Variants in PLEKHD1 observed in about 807,000 individuals in gnomAD.
The protein encoded by PLEKHD1 is pleckstrin homology and coiled-coil domain containing D1, also known as pleckstrin homology domain-containing family D member 1.
Under a neutral mutation model 69.2 loss-of-function variants are expected in PLEKHD1, and 51 were observed. The observed-to-expected ratio is 0.74, with a 90% confidence interval of 0.59 to 0.93. PLEKHD1 has a LOEUF of 0.93. Ranked by LOEUF, PLEKHD1 falls within the 40% of genes least tolerant of loss-of-function variation. The probability of loss-of-function intolerance (pLI) is 0.00; values close to 1 mark genes in which losing one functional copy is unlikely to be tolerated. For missense variants in PLEKHD1, 584 were observed against 641.0 expected (o/e 0.91, Z 0.96); for synonymous variants, 236 against 244.7 (o/e 0.96, Z 0.33).
chr14:69,500,268 G>A, intron 2 of PLEKHD1, 60 bp downstream of exon 2: 1 of 1,358,604 alleles, frequency 7.4e-7, no homozygotes, highest in Non-Finnish European at 1.0e-6. Flanking sequence ...ATCAGAGCTT[G>A]CATCTTGTGA....
chr14:69,492,806 G>T (rs1882805363), intron 1 of PLEKHD1, among the ~76,000 whole-genome samples: 1 of 152,172 alleles, frequency 6.6e-6, no homozygotes, highest in African/African-American at 2.4e-5. Context: ...GTCTGGCTTT[G>T]TGGCCCAGGC....
At position 69,530,391 on chromosome 14, in the gene PLEKHD1, G is replaced by A. The variant is rs1020587795; in HGVS notation, c.*1972G>A. The A allele has an allele frequency of 3.3e-5, 5 of 152,154 alleles. No individual in the cohort carries two copies. The highest frequency in any genetic ancestry group is 2.1e-4 in the South Asian group (1 of 4,828). 9.4% of individuals were successfully genotyped at this position (152,154 alleles called of 1,614,324 possible). ...TGAGCCTAAATGTAAAACTTTAAAC[G>A]TGTATAACATGCATAAACCTGGAAC... On this transcript the variant is annotated 3_prime_UTR_variant, in exon 13 of 13. Coordinates refer to ENST00000322564, the MANE Select transcript of PLEKHD1 (RefSeq NM_001161498.2).
intron 8 of PLEKHD1, 42 bp from the exon 9 acceptor site, chr14:69,525,902 C>T (rs1393990583): frequency 3.3e-6 from 5 of 1,529,376 alleles, no homozygotes; most frequent in East Asian, 4.9e-5. Context: ...CGATGGAGAA[C>T]CTAAATTGGG....
chr14:69,489,991 C>T (rs1047305792), intron 1 of PLEKHD1, among the ~76,000 whole-genome samples: 9 of 152,134 alleles, frequency 5.9e-5, no homozygotes, highest in African/African-American at 1.9e-4. Flanking sequence ...CTCAGCCTCC[C>T]GATTAGCTGG....
At chr14:69,497,094 AC>A in intron 1 of PLEKHD1, among the ~76,000 whole-genome samples, 1 of 152,154 alleles carries the variant, frequency 6.6e-6, no homozygotes, top group South Asian at 2.1e-4. Flanking sequence ...CTGTATTCAG[AC>A]CATGGAATGC....
intron 6 of PLEKHD1, among the ~76,000 whole-genome samples, chr14:69,506,776 T>G (rs1883159419): frequency 6.6e-6 from 1 of 151,846 alleles, no homozygotes; most frequent in East Asian, 1.9e-4. Flanking sequence ...GTGTTGTACA[T>G]CCTCTGGATT....
At position 69,527,242 on chromosome 14, in the gene PLEKHD1, G is replaced by T. The variant is rs944371861; in HGVS notation, c.1111G>T (p.Ala371Ser). ...GAGGCGTCTCCGGGAGGCAGAAGGGGCCTTGCGAAGCCTGGAACAGGGGCT... is the reference window on the plus strand; with the variant it reads ...GAGGCGTCTCCGGGAGGCAGAAGGGTCCTTGCGAAGCCTGGAACAGGGGCT... The part of the protein sequence containing the change: ...LERRLREAEG[A>S]LRSLEQGLNS... Residue 371 changes from alanine (A) to serine (S), a missense_variant, in exon 11 of 13, where the codon GCC (alanine) becomes TCC (serine). Transcript: ENST00000322564. 3.9e-6 allele frequency: 6 copies of T among 1,551,726 alleles called. No individual in the cohort carries two copies. Among genetic ancestry groups the T allele is most frequent in the Non-Finnish European group, 4.4e-6 (5 of 1,146,982 alleles).
Position 69,519,856 on chromosome 14 carries a change from C to T in PLEKHD1, c.556-2427C>T, listed in dbSNP as rs986013482. On this transcript the variant is annotated intron_variant, in intron 6 of 12. Transcript: ENST00000322564. ...ATCATTTGTGAAGCGGCAGAGGCCC[C>T]AGACCTGTAAAAGCTGGGCGCCTGG... is the stretch of plus-strand genomic sequence containing the variant. Among the ~76,000 whole-genome samples, 3 of 152,256 alleles carry T rather than the reference C, an allele frequency of 2.0e-5. No individual in the cohort carries two copies. In the East Asian group the frequency reaches 5.8e-4, roughly 30 times the overall value.
At chr14:69,469,109 G>A in the PLEKHD1 span, among the ~76,000 whole-genome samples, 2 of 152,122 alleles carry the variant, frequency 1.3e-5, no homozygotes, top group Non-Finnish European at 1.5e-5. Context: ...TACCCTGAGA[G>A]AAGCTGGCTT....
chr14:69,498,033 T>TTTTATTTTA (rs1237478843), intron 1 of PLEKHD1, among the ~76,000 whole-genome samples: 13 of 135,472 alleles, frequency 9.6e-5, no homozygotes, highest in African/African-American at 3.6e-4. Flanking sequence ...TTTTATTTTG[T>TTTTATTTTA]TTTATTTTAT....
chr14:69,487,248 C>T (rs1490393737), intron 1 of PLEKHD1, among the ~76,000 whole-genome samples: 1 of 151,288 alleles, frequency 6.6e-6, no homozygotes, highest in East Asian at 1.9e-4. Flanking sequence ...GGGTCAGTGA[C>T]AGAGCCAGCC....
intron 6 of PLEKHD1, among the ~76,000 whole-genome samples, chr14:69,508,793 C>T (rs1883208349): frequency 6.6e-6 from 1 of 152,144 alleles, no homozygotes; most frequent in South Asian, 2.1e-4. Context: ...GGGTAATTGT[C>T]AGTTGACTGT....
At chr14:69,469,803 C>A in the PLEKHD1 span, among the ~76,000 whole-genome samples, 3 of 152,030 alleles carry the variant, frequency 2.0e-5, no homozygotes, top group Admixed American at 2.0e-4. Context: ...CTCACTGCAA[C>A]CTCCGCCTCC....
chr14:69,490,850 A>C (rs1398595126), intron 1 of PLEKHD1, among the ~76,000 whole-genome samples: 1 of 152,090 alleles, frequency 6.6e-6, no homozygotes, highest in East Asian at 1.9e-4. Flanking sequence ...TCCACCCCCT[A>C]CATAGCCATT....
chr14:69,508,783 G>A (rs914763136), intron 6 of PLEKHD1, among the ~76,000 whole-genome samples: 8 of 152,282 alleles, frequency 5.3e-5, no homozygotes, highest in South Asian at 2.1e-4. Context: ...GGTGATTATC[G>A]GGTAATTGTC....
intron 1 of PLEKHD1, among the ~76,000 whole-genome samples, chr14:69,491,418 T>C (rs1771840254): frequency 6.6e-6 from 1 of 152,196 alleles, no homozygotes; most frequent in Non-Finnish European, 1.5e-5. Flanking sequence ...TCTGGACTCT[T>C]GGATCCTCCC....
In PLEKHD1 at chr14:69,529,414, G is replaced by A. The variant is rs1188499127; in HGVS notation, c.*995G>A. The A allele has an allele frequency of 1.3e-5, 2 of 152,214 alleles. No homozygotes were observed. Among genetic ancestry groups the A allele is most frequent in the East Asian group, 1.9e-4 (1 of 5,202 alleles). 9.4% of individuals were successfully genotyped at this position (152,214 alleles called of 1,614,324 possible). ...AAAATAAAATAAATAGCTGGGCATG[G>A]TGGTGCATGCCTGTAGTCCCAGCTA... is the stretch of plus-strand genomic sequence containing the variant. On this transcript the variant is annotated 3_prime_UTR_variant, in exon 13 of 13. Coordinates refer to ENST00000322564, the MANE Select transcript of PLEKHD1 (RefSeq NM_001161498.2).
At chr14:69,472,443 C>T in the PLEKHD1 span, among the ~76,000 whole-genome samples, 11 of 152,284 alleles carry the variant, frequency 7.2e-5, no homozygotes, top group Non-Finnish European at 1.5e-4. Context: ...GTAACCTGTC[C>T]CCACCCCCAT....
intron 6 of PLEKHD1, among the ~76,000 whole-genome samples, chr14:69,505,686 T>C (rs1042475289): frequency 1.4e-4 from 21 of 152,288 alleles, no homozygotes; most frequent in African/African-American, 5.1e-4. Context: ...CGAGGCCCAA[T>C]GAAGTAGAAC....
Sources: allele counts gnomAD v4.1 joint callset (sites outside exome capture counted in the v4.1 genomes callset), GRCh38; gene constraint gnomAD v4.1.1; transcripts MANE v1.5; gene names NCBI Gene and HGNC (gene_info 2026-07-23, HGNC 2026-07-21).